UNC13B: variants seen among roughly 807,000 people sequenced by gnomAD.
UNC13B encodes unc-13 homolog B, also known as protein unc-13 homolog B.
In UNC13B, 144 loss-of-function variants were observed where a neutral mutation model predicts 211.0. The ratio of observed to expected loss-of-function variants is 0.68; its 90% CI spans 0.60 to 0.78. The LOEUF (loss-of-function observed/expected upper bound fraction) is 0.78, where lower values mean the gene tolerates loss of function less well. Among genes scored for constraint, UNC13B ranks in the 30% least tolerant of loss-of-function variants. The pLI, the probability that UNC13B is intolerant of heterozygous loss-of-function variation, is 0.00. For synonymous variants in UNC13B, 709 were observed against 725.8 expected, an observed-to-expected ratio of 0.98 and a Z score of 0.37; for missense variants, 1,777 against 2,002.0, an observed-to-expected ratio of 0.89 and a Z score of 2.14.
chr9:35,207,749 T>C (rs1479115281), intron 1 of UNC13B, among the ~76,000 whole-genome samples: 2 of 152,200 alleles, frequency 1.3e-5, no homozygotes, highest in Non-Finnish European at 2.9e-5. Flanking sequence ...ATGTATATGC[T>C]AGATACAAAA....
intron 11 of UNC13B, among the ~76,000 whole-genome samples, chr9:35,326,525 A>G (rs929923383): frequency 4.6e-5 from 7 of 152,142 alleles, no homozygotes; most frequent in African/African-American, 1.4e-4. Context: ...AGCTTGGACT[A>G]TAGGCATGCA....
At chr9:35,285,127 T>C (rs927246211) in intron 7 of UNC13B, among the ~76,000 whole-genome samples, 1 of 152,208 alleles carries the variant, frequency 6.6e-6, no homozygotes, top group African/African-American at 2.4e-5. Flanking sequence ...GGATGTACTT[T>C]CGTCTTAGAA....
chr9:35,300,731 A>C lies in UNC13B; in HGVS notation c.1327A>C (p.Ile443Leu). The C allele has an allele frequency of 2.5e-6, 1 of 398,986 alleles. No homozygotes were observed. The allele number at this position is 398,986 out of a possible 1,614,324, so 24.7% of individuals were successfully genotyped here. A position where few individuals can be genotyped will look rare whatever the true frequency, so the allele number is the denominator to read the frequency against. ...TCTGTCTGAGTGCTCTATAGAAGAG[A>C]TAACCCCTTCCTCTATTGAGGAGCC... is the stretch of plus-strand genomic sequence containing the variant. The part of the protein sequence containing the change: ...GDLSECSIEE[I>L]TPSSIEEPKE... Residue 443 changes from isoleucine to leucine, a missense_variant, in exon 9 of 40, where the codon ATA (isoleucine) becomes CTA (leucine). Coordinates refer to ENST00000635942, the MANE Select transcript of UNC13B (RefSeq NM_001371189.2).
chr9:35,332,019 T>G (rs1290277767), intron 11 of UNC13B, among the ~76,000 whole-genome samples: 1 of 151,974 alleles, frequency 6.6e-6, no homozygotes, highest in African/African-American at 2.4e-5. Context: ...AGTCTTGCTC[T>G]TGCCCAGGCT....
chr9:35,172,949 TC>T (rs771186007), intron 1 of UNC13B, among the ~76,000 whole-genome samples: 24 of 152,174 alleles, frequency 1.6e-4, no homozygotes, highest in Non-Finnish European at 2.9e-4. Flanking sequence ...GCTGCTTGGT[TC>T]TCTCTTTTGC....
intron 6 of UNC13B, among the ~76,000 whole-genome samples, chr9:35,252,137 A>C (rs1047561064): frequency 1.3e-5 from 2 of 152,186 alleles, no homozygotes; most frequent in African/African-American, 4.8e-5. Context: ...TGAAAAGTGC[A>C]TCTATTAGTT....
chr9:35,367,826 G>A (rs929052308), intron 12 of UNC13B, among the ~76,000 whole-genome samples: 5 of 152,282 alleles, frequency 3.3e-5, no homozygotes, highest in Non-Finnish European at 7.3e-5. Flanking sequence ...GCCTGTAACT[G>A]ACTGTTCTTA....
intron 1 of UNC13B, among the ~76,000 whole-genome samples, chr9:35,190,866 T>A (rs570551229): frequency 9.2e-5 from 14 of 152,320 alleles, no homozygotes; most frequent in African/African-American, 3.4e-4. Context: ...CAGTTAAGAT[T>A]TTCAGCTTTT....
At chr9:35,180,428 GT>G (rs1821871207) in intron 1 of UNC13B, among the ~76,000 whole-genome samples, 1 of 152,008 alleles carries the variant, frequency 6.6e-6, no homozygotes, top group African/African-American at 2.4e-5. Flanking sequence ...TGCTTTGCAA[GT>G]TTAGTTTTGC....
At chr9:35,319,430 A>AT (rs1480716611) in intron 11 of UNC13B, among the ~76,000 whole-genome samples, 1 of 134,502 alleles carries the variant, frequency 7.4e-6, no homozygotes, top group African/African-American at 2.6e-5. Flanking sequence ...AAAAAAAAAA[A>AT]AAAAAATTAG....
intron 1 of UNC13B, among the ~76,000 whole-genome samples, chr9:35,183,351 G>T (rs1406078752): frequency 1.2e-5 from 1 of 84,536 alleles, no homozygotes; most frequent in Non-Finnish European, 2.4e-5. Flanking sequence ...CACCTCCCAG[G>T]CGGGGCGGCC....
Position 35,313,972 on chromosome 9 carries a change from C to A in UNC13B, c.9397C>A (p.Arg3133=). 6.2e-7 allele frequency: 1 copy of A among 1,613,624 alleles called. No individual in the cohort carries two copies. ...TTGGATCCGAGCAGTTACCAAGGTT[C>A]GACTCCAGCTGCAGGAGGTAGGAAA... The part of the protein sequence containing the change: ...AHWIRAVTKV[R]LQLQEIPDDG... Residue 3133 remains arginine (R), a synonymous_variant, in exon 11 of 40, where the codon CGA becomes AGA. Coordinates refer to ENST00000635942, the MANE Select transcript of UNC13B (RefSeq NM_001371189.2).
chr9:35,259,040 C>T lies in UNC13B; in HGVS notation c.516C>T (p.Ala172=), dbSNP rs779542312. 15 of 1,613,768 alleles carry T rather than the reference C, an allele frequency of 9.3e-6. No homozygotes were observed. Among genetic ancestry groups the T allele is most frequent in the Admixed American group, 3.3e-5 (2 of 59,980 alleles). Residue 172 remains alanine (A), a synonymous_variant, in exon 7 of 40, where the codon GCC becomes GCT. Coordinates refer to ENST00000635942, the MANE Select transcript of UNC13B (RefSeq NM_001371189.2). ...AGAGGAAGCCATTGCCCACTGCTGC[C>T]GCCCAGTGTTGTAAGTGAGAAACTT... ...ESQRKPLPTA[A]AQCSFEDPDS...
intron 1 of UNC13B, among the ~76,000 whole-genome samples, chr9:35,224,130 CA>C (rs1384632712): frequency 6.6e-6 from 1 of 152,082 alleles, no homozygotes; most frequent in East Asian, 1.9e-4. Context: ...TTTGACTATC[CA>C]GGGTCTTTTG....
intron 11 of UNC13B, among the ~76,000 whole-genome samples, chr9:35,354,359 A>G (rs975472136): frequency 2.6e-5 from 4 of 152,150 alleles, no homozygotes; most frequent in African/African-American, 9.7e-5. Context: ...CCCCTACCCC[A>G]GGTACCTGTC....
chr9:35,344,110 G>T (rs7022107), intron 11 of UNC13B, among the ~76,000 whole-genome samples: 1 of 152,002 alleles, frequency 6.6e-6, no homozygotes, highest in African/African-American at 2.4e-5. Flanking sequence ...TTTCCAACTC[G>T]GGGTAGGGGA....
intron 12 of UNC13B, among the ~76,000 whole-genome samples, chr9:35,368,561 T>G (rs1456832279): frequency 6.6e-6 from 1 of 152,240 alleles, no homozygotes; most frequent in African/African-American, 2.4e-5. Context: ...GTATATTCCT[T>G]TGGGTATATA....
intron 1 of UNC13B, among the ~76,000 whole-genome samples, chr9:35,176,631 C>T (rs1478223841): frequency 2.0e-5 from 3 of 152,090 alleles, no homozygotes; most frequent in Non-Finnish European, 2.9e-5. Context: ...AGGAAAAAAC[C>T]CCTTTCCTTC....
chr9:35,186,039 C>T (rs560461202), intron 1 of UNC13B, among the ~76,000 whole-genome samples: 1 of 152,244 alleles, frequency 6.6e-6, no homozygotes, highest in South Asian at 2.1e-4. Context: ...AAAACTACTT[C>T]AGGGCATAAG....
Sources: allele counts gnomAD v4.1 joint callset (sites outside exome capture counted in the v4.1 genomes callset), GRCh38; gene constraint gnomAD v4.1.1; transcripts MANE v1.5; gene names NCBI Gene and HGNC (gene_info 2026-07-23, HGNC 2026-07-21).